SLC27A4: variants seen among roughly 807,000 people sequenced by gnomAD.
The protein encoded by SLC27A4 is long-chain fatty acid transport protein 4.
Under a neutral mutation model 64.4 loss-of-function variants are expected in SLC27A4, and 33 were observed. The ratio of observed to expected loss-of-function variants is 0.51; its 90% CI spans 0.39 to 0.68. The LOEUF is 0.68. SLC27A4 is among the 30% of genes least tolerant of loss of function. The pLI, the probability that SLC27A4 is intolerant of heterozygous loss-of-function variation, is 0.00. For synonymous variants in SLC27A4, 377 were observed against 370.0 expected (o/e 1.02, Z -0.22); for missense variants, 824 against 883.5 (o/e 0.93, Z 0.85).
At chr9:128,346,898 G>A (rs566722214) in intron 3 of SLC27A4, among the ~76,000 whole-genome samples, 4 of 151,886 alleles carry the variant, frequency 2.6e-5, no homozygotes, top group Admixed American at 2.0e-4. Context: ...CCAGCTACTC[G>A]GGAGACTGAG....
rs1444282448 is a variant in SLC27A4 at position 128,353,201 on chromosome 9, G to A, written c.1164G>A (p.Glu388=). Residue 388 remains glutamate, a synonymous_variant, in exon 8 of 13, where the codon GAG becomes GAA. Transcript: ENST00000300456. This position sits in a 1 kb window ranked among gnomAD's most constrained non-coding sequence, Gnocchi z 4.9. ...PQVAEFYGAT[E]CNCSLGNFDS... Reference sequence around the variant, plus strand: ...TGGCTGAGTTCTACGGGGCCACAGAGTGCAACTGTAGCCTGGGCAACTTCG... The same window carrying A: ...TGGCTGAGTTCTACGGGGCCACAGAATGCAACTGTAGCCTGGGCAACTTCG... 1 of 1,614,156 alleles carries A rather than the reference G, an allele frequency of 6.2e-7. No homozygotes were observed. Among genetic ancestry groups the A allele is most frequent in the Non-Finnish European group, 8.5e-7 (1 of 1,180,044 alleles).
rs757174951 is a variant in SLC27A4, at chr9:128,360,383, G to A, written c.1824G>A (p.Pro608=). 25 of 1,614,054 alleles carry A rather than the reference G, an allele frequency of 1.5e-5. No homozygotes were observed. Among genetic ancestry groups the A allele is most frequent in the African/African-American group, 4.0e-5 (3 of 74,928 alleles). ...KTELRKEGFD[P]AIVKDPLFYL... ...AGCTACGGAAGGAGGGCTTTGACCC[G>A]GCTATTGTGAAAGACCCGCTGTTCT... Residue 608 remains proline (P), a synonymous_variant, in exon 13 of 13, where the codon CCG becomes CCA. Transcript: ENST00000300456.
chr9:128,346,723 CG>C (rs1012431595), intron 3 of SLC27A4, among the ~76,000 whole-genome samples: 7 of 150,186 alleles, frequency 4.7e-5, no homozygotes, highest in African/African-American at 1.7e-4. Flanking sequence ...AATAAAAGGC[CG>C]GGTGTGGTGG....
chr9:128,355,495 G>C lies in SLC27A4; in HGVS notation c.1560G>C (p.Glu520Asp), dbSNP rs374740669. ...RWKGENVSTT[E>D]VEGTLSRLLD... ...AAGGTGAGAACGTGTCCACCACCGAGGTGGAAGGCACACTCAGCCGCCTGC... is the reference window on the plus strand; with the variant it reads ...AAGGTGAGAACGTGTCCACCACCGACGTGGAAGGCACACTCAGCCGCCTGC... The change falls in exon 11 of 13, where the codon GAG (glutamate) becomes GAC (aspartate). Residue 520 changes from glutamate to aspartate, a missense_variant. Transcript: ENST00000300456. 26 of 1,613,346 alleles carry C rather than the reference G, an allele frequency of 1.6e-5. No individual in the cohort carries two copies. Among genetic ancestry groups the C allele is most frequent in the Non-Finnish European group, 2.2e-5 (26 of 1,180,042 alleles).
intron 12 of SLC27A4, among the ~76,000 whole-genome samples, chr9:128,357,619 A>G (rs1832839635): frequency 6.6e-6 from 1 of 152,212 alleles, no homozygotes; most frequent in Non-Finnish European, 1.5e-5. Context: ...GTCGCCCACA[A>G]GGCAGCACCA....
At chr9:128,359,057 C>T (rs529117868) in intron 12 of SLC27A4, among the ~76,000 whole-genome samples, 1 of 152,320 alleles carries the variant, frequency 6.6e-6, no homozygotes, top group Non-Finnish European at 1.5e-5. Flanking sequence ...AGTGCCAAAG[C>T]CACATAGCAG....
Position 128,354,922 on chromosome 9 carries a change from C to T in SLC27A4, c.1325-131C>T, listed in dbSNP as rs1832793359. The T allele has an allele frequency of 3.9e-6, 4 of 1,019,888 alleles. 1 individual carries two copies. Among genetic ancestry groups the T allele is most frequent in the Middle Eastern group, 6.6e-4 (2 of 3,034 alleles). The allele number at this position is 1,019,888 out of a possible 1,614,324, so 63.2% of individuals were successfully genotyped here. A position where few individuals can be genotyped will look rare whatever the true frequency, so the allele number is the denominator to read the frequency against. ...AAGCCAAGATTGCACTGCTGCACTC[C>T]AGCCTGGGCAACAAGAGCAAAACTC... On this transcript the variant is annotated intron_variant, in intron 9 of 12. Transcript: ENST00000300456.
In SLC27A4 at chr9:128,360,312, GTCT is replaced by G. The variant is rs1386009053; in HGVS notation, c.1775-16_1775-14del. The G allele has an allele frequency of 1.2e-6, 2 of 1,613,768 alleles. No homozygotes were observed. Among genetic ancestry groups the G allele is most frequent in the East Asian group, 4.5e-5 (2 of 44,894 alleles). ...AGCTCGGGCCCCTGCCCTGCACTGA[GTCT>G]TCTTCCCTGCTCTCCCAGGAACCTA... On this transcript the variant is annotated intron_variant, in intron 12 of 12. Coordinates refer to ENST00000300456, the MANE Select transcript of SLC27A4 (RefSeq NM_005094.4).
At chr9:128,350,009 C>T (rs1343819591) in intron 4 of SLC27A4, among the ~76,000 whole-genome samples, 1 of 152,230 alleles carries the variant, frequency 6.6e-6, no homozygotes, top group Non-Finnish European at 1.5e-5. Flanking sequence ...TTGGAATTGC[C>T]TGTGTCCTCA....
intron 1 of SLC27A4, chr9:128,342,200 C>T (rs768375663): frequency 8.3e-6 from 13 of 1,569,580 alleles, no homozygotes; most frequent in Admixed American, 5.0e-5. Flanking sequence ...CGCTCGTTCT[C>T]GCATGCCTCG....
chr9:128,360,182 C>A, intron 12 of SLC27A4, 152 bp from the exon 13 acceptor site: 1 of 884,646 alleles, frequency 1.1e-6, no homozygotes, highest in South Asian at 1.4e-5. Flanking sequence ...TATGACCATT[C>A]TTTGCAAACT....
chr9:128,346,138 C>A (rs1361673775), intron 3 of SLC27A4, among the ~76,000 whole-genome samples: 1 of 152,240 alleles, frequency 6.6e-6, no homozygotes, highest in South Asian at 2.1e-4. Context: ...TGAGTTCAAG[C>A]GATCCACCTA....
At chr9:128,349,109 G>C (rs1157990342) in intron 4 of SLC27A4, among the ~76,000 whole-genome samples, 4 of 152,140 alleles carry the variant, frequency 2.6e-5, no homozygotes, top group Non-Finnish European at 5.9e-5. Flanking sequence ...TTCAGTGCAG[G>C]ACACTTCAGG....
rs1240911833 is a variant in SLC27A4 at position 128,343,384 on chromosome 9, C to G, written c.161+91C>G. 2.2e-5 allele frequency: 33 copies of G among 1,485,832 alleles called. No homozygotes were observed. The Admixed American group carries it at 5.7e-4, about 26-fold the overall frequency. 92.0% of individuals were successfully genotyped at this position (1,485,832 alleles called of 1,614,324 possible). On this transcript the variant is annotated intron_variant, in intron 2 of 12. Coordinates refer to ENST00000300456, the MANE Select transcript of SLC27A4 (RefSeq NM_005094.4). The stretch of plus-strand genomic sequence containing the variant: ...CTCCCCAGGCCAGACCTCATGTTCT[C>G]TACCAGCACAGGGCAGCTGAGCTGA...
intron 1 of SLC27A4, among the ~76,000 whole-genome samples, chr9:128,341,739 C>A (rs1732120114): frequency 6.6e-6 from 1 of 151,664 alleles, no homozygotes; most frequent in Non-Finnish European, 1.5e-5. Flanking sequence ...GAGCCAGAGA[C>A]TTTTTTTTTC....
rs567257198 is a variant in SLC27A4 at position 128,353,743 on chromosome 9, CT to C, written c.1324+216del. 4.2e-3 allele frequency among the ~76,000 whole-genome samples: 594 copies of C among 140,534 alleles called. 7 individuals are homozygous for C. Among genetic ancestry groups the C allele is most frequent in the Middle Eastern group, 7.2e-3 (2 of 278 alleles). 92.2% of individuals were successfully genotyped at this position (140,534 alleles called of 152,430 possible). A position where few individuals can be genotyped will look rare whatever the true frequency, so the allele number is the denominator to read the frequency against. On this transcript the variant is annotated intron_variant, in intron 9 of 12. Coordinates refer to ENST00000300456, the MANE Select transcript of SLC27A4 (RefSeq NM_005094.4). This position sits in a 1 kb window ranked among gnomAD's most constrained non-coding sequence, Gnocchi z 4.9. ...CTGTACATCAGTCCATTCATTCATTCTTTTTTTTTTTTTTATTTGAGACGGA... is the reference window on the plus strand; with the variant it reads ...CTGTACATCAGTCCATTCATTCATTCTTTTTTTTTTTTTATTTGAGACGGA...
At chr9:128,358,723 A>G (rs894158959) in intron 12 of SLC27A4, among the ~76,000 whole-genome samples, 2 of 152,238 alleles carry the variant, frequency 1.3e-5, no homozygotes, top group African/African-American at 4.8e-5. Context: ...CCGGGATTAC[A>G]GGCGTGAGCC....
rs751670175 is a variant in SLC27A4 at position 128,355,529 on chromosome 9, G to A, written c.1594G>A (p.Ala532Thr). 1.1e-5 allele frequency: 17 copies of A among 1,612,556 alleles called. No individual in the cohort carries two copies. Among genetic ancestry groups the A allele is most frequent in the Non-Finnish European group, 1.4e-5 (17 of 1,180,036 alleles). ...EGTLSRLLDM[A>T]DVAVYGVEVP... is the part of the protein sequence containing the mutation. The stretch of plus-strand genomic sequence containing the variant: ...CACACTCAGCCGCCTGCTGGACATG[G>A]CTGACGTGGCCGTGTATGGTGTCGA... Residue 532 changes from alanine (A) to threonine (T), a missense_variant, in exon 11 of 13, where the codon GCT becomes ACT. By Grantham distance (58) the Ala-to-Thr change is moderately conservative. Coordinates refer to ENST00000300456, the MANE Select transcript of SLC27A4 (RefSeq NM_005094.4).
In SLC27A4 at chr9:128,360,534, G is replaced by A. The variant is rs373964131; in HGVS notation, c.*43G>A. On this transcript the variant is annotated 3_prime_UTR_variant, in exon 13 of 13. Transcript: ENST00000300456. ...AGGGCCGGCGGATGCTGGATCCGGA[G>A]CCCCAGGTTCCGCCCCAGAGCGGTC... 6.2e-7 allele frequency: 1 copy of A among 1,609,174 alleles called. No homozygotes were observed. Among genetic ancestry groups the A allele is most frequent in the African/African-American group, 1.3e-5 (1 of 74,860 alleles).
Sources: allele counts gnomAD v4.1 joint callset (sites outside exome capture counted in the v4.1 genomes callset), GRCh38; gene constraint gnomAD v4.1.1; non-coding constraint Gnocchi (gnomAD v3.1); transcripts MANE v1.5; gene names NCBI Gene and HGNC (gene_info 2026-07-23, HGNC 2026-07-21).